RPH3AL: variants seen among roughly 807,000 people sequenced by gnomAD.
RPH3AL encodes the protein rab effector Noc2.
Under a neutral mutation model 43.1 loss-of-function variants are expected in RPH3AL, and 38 were observed. That is an observed-to-expected ratio of 0.88 (90% confidence interval 0.68 to 1.15). The LOEUF (loss-of-function observed/expected upper bound fraction) is 1.15. Among genes scored for constraint, RPH3AL ranks in the 50% most tolerant of loss-of-function variants. RPH3AL has a pLI of 0.00. For synonymous variants in RPH3AL, 189 were observed against 176.3 expected (o/e 1.07, Z -0.57); for missense variants, 462 against 423.2 (o/e 1.09, Z -0.81).
In RPH3AL at chr17:236,969, C is replaced by T. The variant is rs1317947038; in HGVS notation, c.613+10142G>A. Reference sequence around the variant, plus strand: ...CCCCTCCTCATCCATCATCGACAGTCCATTCCACCGTCTGTAGCTGCCCTG... The same window carrying T: ...CCCCTCCTCATCCATCATCGACAGTTCATTCCACCGTCTGTAGCTGCCCTG... On this transcript the variant is annotated intron_variant, in intron 7 of 9. Transcript: ENST00000331302. 3.3e-5 allele frequency among the ~76,000 whole-genome samples: 5 copies of T among 152,356 alleles called. No individual in the cohort carries two copies. The South Asian group carries it at 1.0e-3, about 32-fold the overall frequency.
Position 333,081 on chromosome 17 carries a change from C to T in RPH3AL, c.-37+678G>A, listed in dbSNP as rs758549526. 1.8e-5 allele frequency: 23 copies of T among 1,287,496 alleles called. No homozygotes were observed. The highest frequency in any genetic ancestry group is 1.7e-4 in the African/African-American group (11 of 64,500). The allele number at this position is 1,287,496 out of a possible 1,614,324, so 79.8% of individuals were successfully genotyped here. A position where few individuals can be genotyped will look rare whatever the true frequency, so the allele number is the denominator to read the frequency against. ...GAGGATGCAATTCTCTCTCTAAAGT[C>T]GAGAGCTCACCACCCCGGGCGTTCG... On this transcript the variant is annotated intron_variant, in intron 2 of 9. Transcript: ENST00000331302. This position sits in a 1 kb window ranked among gnomAD's most constrained non-coding sequence, Gnocchi z 4.5.
intron 1 of RPH3AL, among the ~76,000 whole-genome samples, chr17:345,942 C>A (rs1211755389): frequency 7.4e-6 from 1 of 134,848 alleles, no homozygotes; most frequent in African/African-American, 2.5e-5. Flanking sequence ...TCTCGAAGAC[C>A]AGGACATAAG....
At chr17:332,523 G>A (rs1478916889) in intron 2 of RPH3AL, 2 of 168,928 alleles carry the variant, frequency 1.2e-5, no homozygotes, top group African/African-American at 4.8e-5. Context: ...AGAGCCTGCT[G>A]CAAAGTAGGT....
At chr17:313,622 C>A (rs903483178) in intron 5 of RPH3AL, among the ~76,000 whole-genome samples, 1 of 152,182 alleles carries the variant, frequency 6.6e-6, no homozygotes, top group African/African-American at 2.4e-5. Context: ...CAACAGAGTC[C>A]TCGGTGTACC....
intron 7 of RPH3AL, among the ~76,000 whole-genome samples, chr17:239,537 T>C (rs2041478180): frequency 6.6e-6 from 1 of 152,228 alleles, no homozygotes; most frequent in Non-Finnish European, 1.5e-5. Context: ...GCCAATACTA[T>C]ATCGTTCTTA....
intron 5 of RPH3AL, among the ~76,000 whole-genome samples, chr17:293,770 T>C (rs889819842): frequency 6.6e-6 from 1 of 151,898 alleles, no homozygotes; most frequent in Non-Finnish European, 1.5e-5. Flanking sequence ...GGCTCACGCC[T>C]GTAATCCCAG....
chr17:262,075 T>G (rs2042207641), intron 6 of RPH3AL: 1 of 152,126 alleles, frequency 6.6e-6, no homozygotes, highest in African/African-American at 2.4e-5. Flanking sequence ...TTGGGTAAAT[T>G]AAAATATGAC....
intron 5 of RPH3AL, among the ~76,000 whole-genome samples, chr17:313,304 T>C (rs2043691686): frequency 6.6e-6 from 1 of 152,160 alleles, no homozygotes; most frequent in African/African-American, 2.4e-5. Flanking sequence ...ATCACACCCC[T>C]GCTCAAAACA....
chr17:253,247 C>A (rs527656567), intron 6 of RPH3AL, among the ~76,000 whole-genome samples: 1 of 152,192 alleles, frequency 6.6e-6, no homozygotes, highest in South Asian at 2.1e-4. Context: ...CCCCACCTCA[C>A]GCCCAGCCAG....
intron 6 of RPH3AL, among the ~76,000 whole-genome samples, chr17:253,395 G>A (rs2041961659): frequency 1.3e-5 from 2 of 152,154 alleles, no homozygotes; most frequent in African/African-American, 2.4e-5. Flanking sequence ...ACACTGTGGG[G>A]CCGAGAACCT....
At chr17:302,860 C>T (rs147935797) in intron 5 of RPH3AL, among the ~76,000 whole-genome samples, 9 of 152,202 alleles carry the variant, frequency 5.9e-5, no homozygotes, top group East Asian at 1.9e-4. Context: ...ATCCACCCTG[C>T]GAACATTTGT....
At chr17:315,114 A>T (rs2043908102) in intron 5 of RPH3AL, among the ~76,000 whole-genome samples, 1 of 145,824 alleles carries the variant, frequency 6.9e-6, no homozygotes, top group South Asian at 2.2e-4. Flanking sequence ...CCCCACCTCC[A>T]TTGACCTGTA....
At chr17:226,153 A>G (rs75945161) in intron 7 of RPH3AL, among the ~76,000 whole-genome samples, 2,452 of 152,364 alleles carry the variant, frequency 0.016, 33 homozygotes, top group Middle Eastern at 0.041. Flanking sequence ...CACAAAAAAC[A>G]GGTAGAAATC....
At chr17:247,028 TG>T in intron 7 of RPH3AL, 82 bp downstream of exon 7, 1 of 1,469,264 alleles carries the variant, frequency 6.8e-7, no homozygotes, top group Non-Finnish European at 9.5e-7. Flanking sequence ...TGCGGGGGAC[TG>T]GCCTTGTGCC....
rs1408649694 is a variant in RPH3AL, at chr17:212,708, C to G, written c.*1144G>C. 1 of 151,898 alleles carries G rather than the reference C, an allele frequency of 6.6e-6. No individual in the cohort carries two copies. Among genetic ancestry groups the G allele is most frequent in the Admixed American group, 6.6e-5 (1 of 15,244 alleles). 9.4% of individuals were successfully genotyped at this position (151,898 alleles called of 1,614,324 possible). A position where few individuals can be genotyped will look rare whatever the true frequency, so the allele number is the denominator to read the frequency against. ...GAGGGTGTGATCACCGACACACACA[C>G]ACACGTTCTCTCTCTTCAGGGAAGG... On this transcript the variant is annotated 3_prime_UTR_variant, in exon 10 of 10. Transcript: ENST00000331302.
chr17:247,395 G>A, intron 6 of RPH3AL, 110 bp from the exon 7 acceptor site: 3 of 1,151,676 alleles, frequency 2.6e-6, no homozygotes, highest in Non-Finnish European at 3.6e-6. Context: ...AGCAGAGTGG[G>A]AGTGGGAACT....
chr17:321,247 T>G, intron 4 of RPH3AL, 25 bp downstream of exon 4: 2 of 1,596,596 alleles, frequency 1.3e-6, no homozygotes, highest in Non-Finnish European at 1.7e-6. Context: ...GTCCTCCCAC[T>G]GAGCTGGCCC....
intron 5 of RPH3AL, among the ~76,000 whole-genome samples, chr17:305,090 G>A (rs2043447612): frequency 7.9e-6 from 1 of 125,914 alleles, no homozygotes; most frequent in Non-Finnish European, 1.7e-5. Context: ...GGGACAGGGC[G>A]GGAGGGGGAC....
At chr17:269,010 C>G (rs914871321) in intron 6 of RPH3AL, among the ~76,000 whole-genome samples, 30 of 152,294 alleles carry the variant, frequency 2.0e-4, no homozygotes, top group African/African-American at 6.3e-4. Context: ...TCCCGAGTAG[C>G]TGGGACTACA....
Sources: gnomAD v4.1 joint callset for allele counts (sites outside exome capture counted in the v4.1 genomes callset) on GRCh38, gnomAD v4.1.1 for gene constraint, Gnocchi (gnomAD v3.1) non-coding constraint, MANE v1.5 for transcripts, NCBI Gene and HGNC (gene_info 2026-07-23, HGNC 2026-07-21) for gene names.